The following CGNL1 variants were observed in gnomAD, a reference collection of about 807,000 sequenced individuals.
CGNL1 encodes cingulin-like protein 1.
In CGNL1, 132 loss-of-function variants were observed where a neutral mutation model predicts 141.2. That is an observed-to-expected ratio of 0.93 (90% CI 0.81 to 1.08). CGNL1 has a LOEUF of 1.08. Among genes scored for constraint, CGNL1 ranks in the 50% least tolerant of loss-of-function variants. CGNL1 has a pLI of 0.00. For missense variants in CGNL1, 1,870 were observed against 1,588.6 expected, an observed-to-expected ratio of 1.18 and a Z score of -3.01; for synonymous variants, 690 against 622.1, an observed-to-expected ratio of 1.11 and a Z score of -1.63.
At chr15:57,441,086 A>G (rs76117766) in intron 3 of CGNL1, among the ~76,000 whole-genome samples, 2 of 152,054 alleles carry the variant, frequency 1.3e-5, no homozygotes, top group Non-Finnish European at 2.9e-5. Flanking sequence ...AAAAAAAAAA[A>G]AAAGCTTTAC....
chr15:57,502,017 T>C (rs187943587), intron 8 of CGNL1, among the ~76,000 whole-genome samples: 5 of 152,190 alleles, frequency 3.3e-5, no homozygotes, highest in African/African-American at 1.2e-4. Flanking sequence ...TGGGAGAATG[T>C]TCAGGAGCCT....
intron 1 of CGNL1, among the ~76,000 whole-genome samples, chr15:57,406,560 C>T (rs1303414275): frequency 4.6e-5 from 7 of 152,128 alleles, no homozygotes; most frequent in Non-Finnish European, 8.8e-5. Flanking sequence ...TGCAATCATG[C>T]GAAGTGGCAG....
At chr15:57,449,543 G>T (rs1209383109) in intron 4 of CGNL1, among the ~76,000 whole-genome samples, 1 of 152,112 alleles carries the variant, frequency 6.6e-6, no homozygotes, top group Non-Finnish European at 1.5e-5. Flanking sequence ...ACAATCAGGG[G>T]ACCTACACTG....
At chr15:57,407,125 T>A (rs1008998382) in intron 1 of CGNL1, 1 of 152,228 alleles carries the variant, frequency 6.6e-6, no homozygotes, top group Non-Finnish European at 1.5e-5. Context: ...AATGGCTTTC[T>A]GTATACATGA....
rs8035674 is a variant in CGNL1, at chr15:57,401,723, C to G, written c.-16+25156C>G. ...GGCTCATTCTCAAATTTCCTTATGA[C>G]GCATTCTGTGGTAAAGACTGCTAAT... On this transcript the variant is annotated intron_variant, in intron 1 of 18. Transcript: ENST00000281282. 1.0e-3 allele frequency among the ~76,000 whole-genome samples: 154 copies of G among 152,290 alleles called. 1 individual carries two copies. The highest frequency in any genetic ancestry group is 3.3e-3 in the African/African-American group (137 of 41,542).
intron 8 of CGNL1, among the ~76,000 whole-genome samples, chr15:57,478,838 C>T (rs559228871): frequency 2.6e-5 from 4 of 152,220 alleles, no homozygotes; most frequent in Admixed American, 2.0e-4. Flanking sequence ...GGGGTTTTGC[C>T]GTGTTGCTCA....
chr15:57,473,499 T>G (rs1466058694), intron 8 of CGNL1, among the ~76,000 whole-genome samples: 1 of 152,212 alleles, frequency 6.6e-6, no homozygotes, highest in East Asian at 1.9e-4. Context: ...GACCTGAGCC[T>G]TCTGGGCCTC....
intron 14 of CGNL1, among the ~76,000 whole-genome samples, chr15:57,538,999 T>G (rs12439793): frequency 0.13 from 20,008 of 152,148 alleles, 1,645 homozygotes; most frequent in Admixed American, 0.18. Flanking sequence ...ACCTGGAAAC[T>G]CAGGGTGATA....
intron 4 of CGNL1, among the ~76,000 whole-genome samples, chr15:57,447,551 T>A (rs1280404): frequency 6.6e-6 from 1 of 152,240 alleles, no homozygotes; most frequent in Non-Finnish European, 1.5e-5. Flanking sequence ...TAATAATTTA[T>A]CTTTATTGTC....
intron 7 of CGNL1, among the ~76,000 whole-genome samples, chr15:57,456,552 C>G (rs1181145398): frequency 6.7e-6 from 1 of 150,012 alleles, no homozygotes; most frequent in African/African-American, 2.4e-5. Context: ...GTAGAAAACA[C>G]TTTCTTAGAG....
At chr15:57,416,957 G>C (rs1482518349) in intron 1 of CGNL1, among the ~76,000 whole-genome samples, 1 of 152,112 alleles carries the variant, frequency 6.6e-6, no homozygotes, top group Non-Finnish European at 1.5e-5. Context: ...GAAGAGAATG[G>C]TCTTTGGACT....
chr15:57,415,084 G>A (rs1308466744), intron 1 of CGNL1, among the ~76,000 whole-genome samples: 12 of 152,132 alleles, frequency 7.9e-5, no homozygotes, highest in South Asian at 2.1e-4. Flanking sequence ...GGTAGAACTC[G>A]GACAACTGAG....
intron 1 of CGNL1, among the ~76,000 whole-genome samples, chr15:57,410,388 A>G (rs1452689130): frequency 4.6e-5 from 7 of 152,172 alleles, no homozygotes; most frequent in Admixed American, 6.5e-5. Flanking sequence ...GGTTTATACC[A>G]CCATTGGGCT....
At chr15:57,496,209 T>G (rs1405607410) in intron 8 of CGNL1, among the ~76,000 whole-genome samples, 1 of 152,194 alleles carries the variant, frequency 6.6e-6, no homozygotes, top group African/African-American at 2.4e-5. Context: ...TGTAGGGCCT[T>G]AAAACCAAAA....
chr15:57,410,337 G>T (rs772235556), intron 1 of CGNL1, among the ~76,000 whole-genome samples: 8 of 152,216 alleles, frequency 5.3e-5, no homozygotes, highest in African/African-American at 1.7e-4. Flanking sequence ...ACTCATGATA[G>T]TTCCTCAGTA....
chr15:57,454,515 A>G (rs2063356357), intron 7 of CGNL1, among the ~76,000 whole-genome samples: 1 of 151,848 alleles, frequency 6.6e-6, no homozygotes, highest in Non-Finnish European at 1.5e-5. Flanking sequence ...TCCTCAGGAG[A>G]GATTTTAGGT....
intron 8 of CGNL1, among the ~76,000 whole-genome samples, chr15:57,464,657 T>A (rs2063487135): frequency 6.6e-6 from 1 of 151,536 alleles, no homozygotes; most frequent in Non-Finnish European, 1.5e-5. Context: ...CTTTTGAATT[T>A]CTCTGCGGTT....
At chr15:57,523,791 T>C (rs2031431508) in intron 11 of CGNL1, 150 bp downstream of exon 11, 6 of 783,108 alleles carry the variant, frequency 7.7e-6, no homozygotes, top group Non-Finnish European at 1.2e-5. Context: ...GGCAGCTCTT[T>C]GGATTTGTTG....
intron 1 of CGNL1, among the ~76,000 whole-genome samples, chr15:57,418,595 C>T (rs1278195230): frequency 6.6e-6 from 1 of 152,200 alleles, no homozygotes; most frequent in African/African-American, 2.4e-5. Flanking sequence ...TTGTGGGAAA[C>T]TGTCCACAGC....
Sources: gnomAD v4.1 joint callset for allele counts (sites outside exome capture counted in the v4.1 genomes callset) on GRCh38, gnomAD v4.1.1 for gene constraint, MANE v1.5 for transcripts, NCBI Gene and HGNC (gene_info 2026-07-23, HGNC 2026-07-21) for gene names.